Variants in RANBP2 observed in about 807,000 individuals in gnomAD.
The protein encoded by RANBP2 is E3 SUMO-protein ligase RanBP2.
Under a neutral mutation model 303.6 loss-of-function variants are expected in RANBP2, and 57 were observed. The observed-to-expected ratio is 0.19, with a 90% CI of 0.15 to 0.23. RANBP2 has a LOEUF of 0.23. RANBP2 is among the 10% of genes least tolerant of loss of function. The pLI, the probability that RANBP2 is intolerant of heterozygous loss-of-function variation, is 1.00. For synonymous variants in RANBP2, 1,167 were observed against 1,301.5 expected (o/e 0.90, Z 2.23); for missense variants, 3,138 against 3,780.8 (o/e 0.83, Z 4.46).
chr2:108,772,074 T>A (rs1363509319), intron 21 of RANBP2, among the ~76,000 whole-genome samples: 1 of 152,224 alleles, frequency 6.6e-6, no homozygotes, highest in Non-Finnish European at 1.5e-5. Flanking sequence ...ATTTTTTGGA[T>A]GGCTAATGTG....
chr2:108,984,674 C>T, the RANBP2 span, among the ~76,000 whole-genome samples: 1 of 151,906 alleles, frequency 6.6e-6, no homozygotes, highest in African/African-American at 2.4e-5. Context: ...TTTCTACCTG[C>T]CCTGCTAGTT....
At chr2:109,366,018 A>G in the RANBP2 span, among the ~76,000 whole-genome samples, 1 of 152,222 alleles carries the variant, frequency 6.6e-6, no homozygotes, top group East Asian at 1.9e-4. Context: ...ATATAAGACA[A>G]TTCTGTTATG....
the RANBP2 span, among the ~76,000 whole-genome samples, chr2:108,880,191 TAA>T: frequency 0.74 from 108,896 of 148,076 alleles, 42,376 homozygotes; most frequent in East Asian, 0.95. Flanking sequence ...CAGGGTAACT[TAA>T]AAAAAAAAAA....
chr2:108,720,326 C>G (rs1694134173), intron 1 of RANBP2, among the ~76,000 whole-genome samples: 1 of 149,532 alleles, frequency 6.7e-6, no homozygotes, highest in African/African-American at 2.5e-5. Context: ...CCCCCCTCCC[C>G]GCCCGGAACA....
At chr2:109,065,379 T>C in the RANBP2 span, among the ~76,000 whole-genome samples, 2 of 152,208 alleles carry the variant, frequency 1.3e-5, no homozygotes, top group African/African-American at 4.8e-5. Flanking sequence ...CTTATCTTTG[T>C]GTGCGTGTTT....
chr2:109,602,844 G>T, the RANBP2 span, among the ~76,000 whole-genome samples: 1 of 137,982 alleles, frequency 7.2e-6, no homozygotes, highest in Non-Finnish European at 1.5e-5. Flanking sequence ...GGAAGGAAGA[G>T]AAATAGATAC....
the RANBP2 span, among the ~76,000 whole-genome samples, chr2:109,539,283 G>A: frequency 1.3e-5 from 2 of 152,008 alleles, no homozygotes; most frequent in African/African-American, 2.4e-5. Flanking sequence ...GGGCGACAGA[G>A]CAAGACTCTG....
At chr2:109,500,044 G>C in the RANBP2 span, among the ~76,000 whole-genome samples, 1 of 152,278 alleles carries the variant, frequency 6.6e-6, no homozygotes, top group South Asian at 2.1e-4. Context: ...TGGACATGCT[G>C]ACGTGCTCAC....
chr2:109,601,810 G>C, the RANBP2 span, among the ~76,000 whole-genome samples: 26,187 of 150,950 alleles, frequency 0.17, 2,587 homozygotes, highest in African/African-American at 0.27. Flanking sequence ...ATGTCTTACA[G>C]ATTAAGTTTT....
In RANBP2 at chr2:108,785,196, C is replaced by T. The variant is rs1259441129; in HGVS notation, c.*1295C>T. The T allele has an allele frequency of 6.6e-6, 1 of 152,106 alleles. No individual in the cohort carries two copies. Among genetic ancestry groups the T allele is most frequent in the Non-Finnish European group, 1.5e-5 (1 of 68,012 alleles). The allele number at this position is 152,106 out of a possible 1,614,324, so 9.4% of individuals were successfully genotyped here. The stretch of plus-strand genomic sequence containing the variant: ...TATCCTAAAGCAAGTAACTGTTCAA[C>T]CACCAGTCAAAAGAGGGGAGGGATG... On this transcript the variant is annotated 3_prime_UTR_variant, in exon 29 of 29. Transcript: ENST00000283195.
the RANBP2 span, among the ~76,000 whole-genome samples, chr2:108,914,917 T>C: frequency 6.6e-6 from 1 of 152,122 alleles, no homozygotes; most frequent in Non-Finnish European, 1.5e-5. Context: ...TTGGACTGTT[T>C]TTCTGTTTTG....
rs1224271979 is a variant in RANBP2, at chr2:108,765,231, T to A, written c.4692T>A (p.Val1564=). Residue 1564 remains valine (V), a synonymous_variant, in exon 20 of 29, where the codon GTT becomes GTA. Coordinates refer to ENST00000283195, the MANE Select transcript of RANBP2 (RefSeq NM_006267.5). The part of the protein sequence containing the change: ...VRNEANATRC[V]ACQNPDKPSP... ...ATGAAGCAAATGCTACAAGATGTGTTGCTTGTCAGAATCCGGATAAACCAA... is the reference window on the plus strand; with the variant it reads ...ATGAAGCAAATGCTACAAGATGTGTAGCTTGTCAGAATCCGGATAAACCAA... 1 of 1,614,074 alleles carries A rather than the reference T, an allele frequency of 6.2e-7. No individual in the cohort carries two copies. Among genetic ancestry groups the A allele is most frequent in the East Asian group, 2.2e-5 (1 of 44,880 alleles).
chr2:109,585,977 C>T, the RANBP2 span: 1 of 611,920 alleles, frequency 1.6e-6, no homozygotes, highest in Non-Finnish European at 2.9e-6. Context: ...AAGATACAAG[C>T]GATTAAGTAA....
the RANBP2 span, chr2:108,794,472 G>T: frequency 2.2e-6 from 3 of 1,380,810 alleles, no homozygotes; most frequent in South Asian, 2.9e-5. Flanking sequence ...CTTCCTAAAG[G>T]TTACTCTGAG....
the RANBP2 span, among the ~76,000 whole-genome samples, chr2:109,697,485 T>TA: frequency 0.27 from 38,170 of 139,208 alleles, 6,010 homozygotes; most frequent in Non-Finnish European, 0.37. Flanking sequence ...AACTCTGTCT[T>TA]AAAAAAAAAA....
At chr2:109,398,830 A>G in the RANBP2 span, 1 of 1,613,964 alleles carries the variant, frequency 6.2e-7, no homozygotes, top group Non-Finnish European at 8.5e-7. Flanking sequence ...CCAGGCTGCC[A>G]GCCACAGGCA....
intron 20 of RANBP2, among the ~76,000 whole-genome samples, chr2:108,771,246 A>G (rs1243269550): frequency 2.0e-5 from 3 of 151,450 alleles, no homozygotes; most frequent in African/African-American, 4.9e-5. Context: ...TTCCTTACAG[A>G]AACTAATCAC....
the RANBP2 span, among the ~76,000 whole-genome samples, chr2:109,542,045 C>T: frequency 6.6e-6 from 1 of 152,152 alleles, no homozygotes; most frequent in African/African-American, 2.4e-5. Flanking sequence ...GGAGTACGTA[C>T]CAGGATTAAC....
At chr2:108,856,718 T>C in the RANBP2 span, 1 of 1,368,402 alleles carries the variant, frequency 7.3e-7, no homozygotes, top group South Asian at 1.3e-5. Context: ...GTAACGACAT[T>C]GCTTTTTTAC....
Sources: allele counts gnomAD v4.1 joint callset (sites outside exome capture counted in the v4.1 genomes callset), GRCh38; gene constraint gnomAD v4.1.1; transcripts MANE v1.5; gene names NCBI Gene and HGNC (gene_info 2026-07-23, HGNC 2026-07-21).